DARS2: variants seen among roughly 807,000 people sequenced by gnomAD.
The protein encoded by DARS2 is aspartate--tRNA ligase, mitochondrial.
In DARS2, 63 loss-of-function variants were observed where a neutral mutation model predicts 83.0. The ratio of observed to expected loss-of-function variants is 0.76; its 90% CI spans 0.62 to 0.94. The LOEUF (loss-of-function observed/expected upper bound fraction) is 0.94, where lower values mean the gene tolerates loss of function less well. DARS2 is among the 40% of genes least tolerant of loss of function. The pLI is 0.00. For missense variants in DARS2, 675 were observed against 774.4 expected, an observed-to-expected ratio of 0.87 and a Z score of 1.52; for synonymous variants, 250 against 269.3, an observed-to-expected ratio of 0.93 and a Z score of 0.70.
At chr1:173,842,754 A>G (rs1314167823) in intron 11 of DARS2, among the ~76,000 whole-genome samples, 4 of 151,636 alleles carry the variant, frequency 2.6e-5, no homozygotes, top group East Asian at 2.0e-4. Flanking sequence ...CCTGGCCAAC[A>G]TGGCGAAACC....
chr1:173,857,921 CT>C lies in DARS2; in HGVS notation c.*223del. The C allele has an allele frequency of 7.0e-6, 4 of 574,578 alleles. No individual in the cohort carries two copies. The highest frequency in any genetic ancestry group is 3.0e-5 in the East Asian group (1 of 32,818). 35.6% of individuals were successfully genotyped at this position (574,578 alleles called of 1,614,324 possible). On this transcript the variant is annotated 3_prime_UTR_variant, in exon 17 of 17. Transcript: ENST00000649689. ...TCATTTGGATTTTTTTTGGTTAGGA[CT>C]TTTTTTGAAGTTCCTTTTTACTTAG...
At chr1:173,827,286 G>A (rs898248936) in intron 2 of DARS2, among the ~76,000 whole-genome samples, 1 of 152,104 alleles carries the variant, frequency 6.6e-6, no homozygotes, top group Admixed American at 6.5e-5. Context: ...TGCCTGAATA[G>A]AACATTAATT....
chr1:173,839,606 C>A, intron 10 of DARS2, 60 bp downstream of exon 10: 1 of 1,516,084 alleles, frequency 6.6e-7, no homozygotes, highest in Non-Finnish European at 9.2e-7. Context: ...CTTTTTAAAC[C>A]ACTTTGAAAT....
At chr1:173,828,424 T>C (rs1316123824) in intron 3 of DARS2, 25 bp downstream of exon 3, 2 of 1,599,400 alleles carry the variant, frequency 1.3e-6, no homozygotes, top group Non-Finnish European at 1.7e-6. Flanking sequence ...CCTGTTATTA[T>C]CTAAAAGCTT....
chr1:173,837,406 A>G (rs1047781423), intron 8 of DARS2, among the ~76,000 whole-genome samples: 5 of 152,180 alleles, frequency 3.3e-5, no homozygotes, highest in African/African-American at 1.2e-4. Context: ...AGGTGTTAAG[A>G]GCTTTAAAAT....
intron 12 of DARS2, among the ~76,000 whole-genome samples, chr1:173,845,974 G>A (rs543508157): frequency 1.3e-5 from 2 of 152,196 alleles, no homozygotes; most frequent in South Asian, 2.1e-4. Context: ...TGGCTAACAT[G>A]GTGAAACCCC....
At chr1:173,850,571 G>T in intron 13 of DARS2, 92 bp downstream of exon 13, 70 of 1,136,832 alleles carry the variant, frequency 6.2e-5, no homozygotes, top group Non-Finnish European at 7.5e-5. Context: ...ACTGTAGACT[G>T]TTAATTCATA....
intron 13 of DARS2, among the ~76,000 whole-genome samples, chr1:173,851,646 T>TA (rs1653672733): frequency 6.6e-6 from 1 of 152,162 alleles, no homozygotes; most frequent in Non-Finnish European, 1.5e-5. Flanking sequence ...GGGATCTTTG[T>TA]AAAATATAGA....
intron 13 of DARS2, chr1:173,852,384 A>G (rs1200685032): frequency 4.0e-6 from 2 of 500,400 alleles, no homozygotes; most frequent in Non-Finnish European, 5.2e-6. Context: ...CTATTTTAAA[A>G]ATAAGAAAAG....
At position 173,825,243 on chromosome 1, in the gene DARS2, C is replaced by A. The variant is rs776225606; in HGVS notation, c.14C>A (p.Ser5Tyr). The A allele has an allele frequency of 1.9e-6, 3 of 1,612,866 alleles. No individual in the cohort carries two copies. Among genetic ancestry groups the A allele is most frequent in the East Asian group, 4.5e-5 (2 of 44,844 alleles). ...TGTGGCTCCAACATGTACTTCCCTT[C>A]TTGGTTAAGTCAGCTGTACAGGGGT... is the stretch of plus-strand genomic sequence containing the variant. The part of the protein sequence containing the change: MYFP[S>Y]WLSQLYRGLS... The change falls in exon 1 of 17, where the codon TCT (serine) becomes TAT (tyrosine). Residue 5 changes from serine to tyrosine, a missense_variant. Physicochemically the swap from Ser to Tyr is moderately radical, Grantham distance 144. Coordinates refer to ENST00000649689, the MANE Select transcript of DARS2 (RefSeq NM_018122.5).
Position 173,850,251 on chromosome 1 carries a change from G to A in DARS2, c.1192-76G>A, listed in dbSNP as rs1653598355. On this transcript the variant is annotated intron_variant, in intron 12 of 16. Transcript: ENST00000649689. ...CTTCTATTGGGAACCGGAAATCTTT[G>A]TATTATAAGAAGATAAATTAATCCC... 3 of 1,435,468 alleles carry A rather than the reference G, an allele frequency of 2.1e-6. No individual in the cohort carries two copies. In the African/African-American group the frequency reaches 4.6e-5, roughly 22 times the overall value. 88.9% of individuals were successfully genotyped at this position (1,435,468 alleles called of 1,614,324 possible).
intron 3 of DARS2, 123 bp from the exon 4 acceptor site, chr1:173,830,537 G>A: frequency 1.2e-6 from 1 of 806,544 alleles, no homozygotes; most frequent in East Asian, 2.5e-5. Context: ...TTAAGGAGCA[G>A]CCCCAGCCTT....
chr1:173,834,266 A>G (rs1199413194), intron 6 of DARS2, among the ~76,000 whole-genome samples: 1 of 152,220 alleles, frequency 6.6e-6, no homozygotes, highest in Admixed American at 6.5e-5. Flanking sequence ...TGTGAACAGT[A>G]TGCTTTATGA....
chr1:173,850,238 A>C, intron 12 of DARS2, 89 bp from the exon 13 acceptor site: 5 of 1,350,430 alleles, frequency 3.7e-6, no homozygotes, highest in East Asian at 2.6e-5. Context: ...TCTATTGGGA[A>C]CCGGAAATCT....
intron 13 of DARS2, among the ~76,000 whole-genome samples, chr1:173,851,107 G>A (rs1040416986): frequency 5.9e-5 from 9 of 151,594 alleles, no homozygotes; most frequent in African/African-American, 4.8e-5. Context: ...GTGTGGTGGC[G>A]GGCTAATTTT....
At position 173,825,044 on chromosome 1, in the gene DARS2, C is replaced by T; in HGVS notation, c.-186C>T. On this transcript the variant is annotated 5_prime_UTR_variant, in exon 1 of 17. Transcript: ENST00000649689. Reference sequence around the variant, plus strand: ...TCCACCCCAGCAAGCACCCCAGAGACCTTGGAGATTTGTCTTGTTTCTAGA... The same window carrying T: ...TCCACCCCAGCAAGCACCCCAGAGATCTTGGAGATTTGTCTTGTTTCTAGA... 1.4e-6 allele frequency: 1 copy of T among 739,014 alleles called. No homozygotes were observed. The highest frequency in any genetic ancestry group is 2.2e-6 in the Non-Finnish European group (1 of 458,322). 45.8% of individuals were successfully genotyped at this position (739,014 alleles called of 1,614,324 possible). A position where few individuals can be genotyped will look rare whatever the true frequency, so the allele number is the denominator to read the frequency against.
At chr1:173,841,096 T>C in intron 11 of DARS2, 123 bp downstream of exon 11, 1 of 728,620 alleles carries the variant, frequency 1.4e-6, no homozygotes, top group Non-Finnish European at 2.4e-6. Flanking sequence ...GGATTTTTGC[T>C]GGGCATGGTG....
At chr1:173,857,234 T>C (rs1442970790) in intron 16 of DARS2, among the ~76,000 whole-genome samples, 1 of 152,166 alleles carries the variant, frequency 6.6e-6, no homozygotes, top group East Asian at 1.9e-4. Context: ...CCAAATACAC[T>C]GTTGAATCTG....
intron 12 of DARS2, among the ~76,000 whole-genome samples, chr1:173,846,316 G>A (rs751575768): frequency 5.9e-5 from 9 of 152,082 alleles, no homozygotes; most frequent in Non-Finnish European, 1.2e-4. Context: ...GGGCCACAGA[G>A]CAAGACTCAG....
Sources: gnomAD v4.1 joint callset for allele counts (sites outside exome capture counted in the v4.1 genomes callset) on GRCh38, gnomAD v4.1.1 for gene constraint, MANE v1.5 for transcripts, NCBI Gene and HGNC (gene_info 2026-07-23, HGNC 2026-07-21) for gene names.